The following ZNF124 variants were observed in gnomAD, a reference collection of about 807,000 sequenced individuals.
ZNF124 encodes zinc finger protein HZF-16.
Under a neutral mutation model 26.6 loss-of-function variants are expected in ZNF124, and 25 were observed. The observed-to-expected ratio is 0.94, with a 90% CI of 0.68 to 1.31. The LOEUF is 1.31. Ranked by LOEUF, ZNF124 falls within the 40% of genes most tolerant of loss-of-function variation. ZNF124 has a pLI of 0.00. For synonymous variants in ZNF124, 129 were observed against 133.3 expected (o/e 0.97, Z 0.22); for missense variants, 444 against 422.2 (o/e 1.05, Z -0.45).
chr1:247,157,987 C>T (rs145316509), intron 3 of ZNF124, among the ~76,000 whole-genome samples: 168 of 151,430 alleles, frequency 1.1e-3, no homozygotes, highest in Non-Finnish European at 1.8e-3. Context: ...TGGTGGCTCA[C>T]GCCTGTAATC....
At chr1:247,138,534 TG>T (rs1672545116) in intron 3 of ZNF124, 1 of 369,762 alleles carries the variant, frequency 2.7e-6, no homozygotes, top group Admixed American at 4.6e-5. Context: ...CCGCGGCACA[TG>T]TATACCCATG....
chr1:247,159,976 GTTCTTTT>G, intron 1 of ZNF124, 163 bp from the exon 2 acceptor site: 3 of 246,182 alleles, frequency 1.2e-5, no homozygotes, highest in Non-Finnish European at 2.0e-5. Flanking sequence ...CCACATAGCA[GTTCTTTT>G]TTTTTTTTTT....
intron 1 of ZNF124, among the ~76,000 whole-genome samples, chr1:247,162,167 T>C (rs1673517314): frequency 6.6e-6 from 1 of 152,116 alleles, no homozygotes; most frequent in South Asian, 2.1e-4. Context: ...CACACGTAAG[T>C]ACATAGACCA....
exon 4 of ZNF124, chr1:247,123,795 T>C: frequency 1.4e-6 from 1 of 700,314 alleles, no homozygotes; most frequent in Non-Finnish European, 2.6e-6. Context: ...AAGTTAATCC[T>C]GAGTCCCAGC....
In ZNF124 at chr1:247,156,344, G is replaced by T; in HGVS notation, c.*222C>A. The stretch of plus-strand genomic sequence containing the variant: ...CTTACCACATTTTAAACATTCATAT[G>T]GATTTTCTTCAGTGAGTCCTTTCAA... On this transcript the variant is annotated 3_prime_UTR_variant, in exon 4 of 4. Coordinates refer to ENST00000543802, the MANE Select transcript of ZNF124 (RefSeq NM_001297568.2). 1 of 1,233,878 alleles carries T rather than the reference G, an allele frequency of 8.1e-7. No homozygotes were observed. Among genetic ancestry groups the T allele is most frequent in the Non-Finnish European group, 1.0e-6 (1 of 988,338 alleles). The allele number at this position is 1,233,878 out of a possible 1,614,324, so 76.4% of individuals were successfully genotyped here.
chr1:247,164,652 C>A (rs1673676093), intron 1 of ZNF124, among the ~76,000 whole-genome samples: 1 of 152,000 alleles, frequency 6.6e-6, no homozygotes, highest in Non-Finnish European at 1.5e-5. Context: ...ATTCCATGCT[C>A]ATTGATAGGA....
At chr1:247,161,918 A>G (rs1673503408) in intron 1 of ZNF124, among the ~76,000 whole-genome samples, 1 of 152,202 alleles carries the variant, frequency 6.6e-6, no homozygotes, top group Admixed American at 6.5e-5. Flanking sequence ...ACCACAATCT[A>G]CAGTCCAGTA....
intron 3 of ZNF124, chr1:247,138,190 G>A (rs972968642): frequency 5.9e-5 from 9 of 152,098 alleles, no homozygotes; most frequent in African/African-American, 2.2e-4. Flanking sequence ...CAACAGCAAA[G>A]ACATGGAACC....
intron 3 of ZNF124, among the ~76,000 whole-genome samples, chr1:247,124,208 C>CTTT (rs550995743): frequency 7.0e-6 from 1 of 142,060 alleles, no homozygotes; most frequent in African/African-American, 2.6e-5. Flanking sequence ...GATTTTGTGG[C>CTTT]TTTTTTTTTT....
At chr1:247,167,126 G>A (rs1016257244) in intron 1 of ZNF124, among the ~76,000 whole-genome samples, 1 of 152,114 alleles carries the variant, frequency 6.6e-6, no homozygotes, top group African/African-American at 2.4e-5. Context: ...AGGACTACAA[G>A]GAAACTACAG....
intron 3 of ZNF124, among the ~76,000 whole-genome samples, chr1:247,136,301 C>A (rs750871896): frequency 4.6e-5 from 7 of 152,216 alleles, no homozygotes; most frequent in Non-Finnish European, 1.0e-4. Flanking sequence ...TCAGCAAAGT[C>A]TCAGGATACA....
At chr1:247,139,265 G>A (rs974358402) in intron 3 of ZNF124, among the ~76,000 whole-genome samples, 2 of 152,190 alleles carry the variant, frequency 1.3e-5, no homozygotes, top group Admixed American at 1.3e-4. Flanking sequence ...ACACCACTAT[G>A]TAATACCCTT....
chr1:247,138,544 T>C, intron 3 of ZNF124: 1 of 374,760 alleles, frequency 2.7e-6, no homozygotes, highest in Non-Finnish European at 4.7e-6. Context: ...TGTATACCCA[T>C]GTAACAAACT....
In ZNF124 at chr1:247,155,677, C is replaced by T. The variant is rs745901070; in HGVS notation, c.*889G>A. Among the ~76,000 whole-genome samples the T allele has an allele frequency of 2.6e-5, 4 of 151,706 alleles. No homozygotes were observed. The highest frequency in any genetic ancestry group is 6.6e-5 in the Admixed American group (1 of 15,216). The stretch of plus-strand genomic sequence containing the variant: ...GAGATTGAGACCATCCTGGCTAACA[C>T]GGTGAAACCCCATCTCTACTAAAAA... On this transcript the variant is annotated 3_prime_UTR_variant, in exon 4 of 4. Coordinates refer to ENST00000543802, the MANE Select transcript of ZNF124 (RefSeq NM_001297568.2).
chr1:247,128,340 G>A (rs565063078), intron 3 of ZNF124, among the ~76,000 whole-genome samples: 279 of 149,868 alleles, frequency 1.9e-3, no homozygotes, highest in African/African-American at 6.6e-3. Flanking sequence ...GAACCTTCAC[G>A]TGGTGTTGTG....
In ZNF124 at chr1:247,156,987, C is replaced by A. The variant is rs1438615317; in HGVS notation, c.635G>T (p.Gly212Val). 1.9e-6 allele frequency: 3 copies of A among 1,612,676 alleles called. No individual in the cohort carries two copies. Among genetic ancestry groups the A allele is most frequent in the Non-Finnish European group, 2.5e-6 (3 of 1,179,352 alleles). Residue 212 changes from glycine to valine, a missense_variant, in exon 4 of 4, where the codon GGG becomes GTG. Transcript: ENST00000543802. ...GEKPYECKHC[G>V]KAFRYSNCLH... ...GCAATTGGAGTAACGGAAGGCTTTC[C>A]CACAGTGCTTACATTCATAGGGTTT... is the stretch of plus-strand genomic sequence containing the variant.
chr1:247,156,753 T>A lies in ZNF124; in HGVS notation c.869A>T (p.Tyr290Phe). ...GCCTTTACCACAATTGTTACATACA[T>A]AGGGTTTCTGTGCAATATGAGTTTT... ...HEKTHIAQKP[Y>F]VCNNCGKGFR... The change falls in exon 4 of 4, where the codon TAT (tyrosine) becomes TTT (phenylalanine). Residue 290 changes from tyrosine (Y) to phenylalanine (F), a missense_variant. Tyr to Phe is a conservative substitution (Grantham distance 22). Transcript: ENST00000543802. 6.2e-7 allele frequency: 1 copy of A among 1,613,184 alleles called. No individual in the cohort carries two copies. The highest frequency in any genetic ancestry group is 8.5e-7 in the Non-Finnish European group (1 of 1,179,738).
chr1:247,164,065 C>CA (rs1002673663), intron 1 of ZNF124, among the ~76,000 whole-genome samples: 26 of 151,536 alleles, frequency 1.7e-4, no homozygotes, highest in African/African-American at 4.9e-4. Context: ...TCAATAGATG[C>CA]AAAAAAAAGC....
intron 3 of ZNF124, among the ~76,000 whole-genome samples, chr1:247,146,006 T>A (rs1672768729): frequency 6.6e-6 from 1 of 152,226 alleles, no homozygotes; most frequent in Non-Finnish European, 1.5e-5. Flanking sequence ...AGGTTTCCTT[T>A]TTTCAGACAG....
Sources: allele counts gnomAD v4.1 joint callset (sites outside exome capture counted in the v4.1 genomes callset), GRCh38; gene constraint gnomAD v4.1.1; transcripts MANE v1.5; gene names NCBI Gene and HGNC (gene_info 2026-07-23, HGNC 2026-07-21).